TMEM63B: variants seen among roughly 807,000 people sequenced by gnomAD.
TMEM63B encodes the protein mechanosensitive cation channel TMEM63B.
TMEM63B carries 23 observed loss-of-function variants against 102.6 expected under a neutral mutation model. The ratio of observed to expected loss-of-function variants is 0.22; its 90% CI spans 0.16 to 0.32. TMEM63B has a LOEUF of 0.32. Among genes scored for constraint, TMEM63B ranks in the 10% least tolerant of loss-of-function variants. The probability of loss-of-function intolerance (pLI) is 1.00; values close to 1 mark genes in which losing one functional copy is unlikely to be tolerated. For missense variants in TMEM63B, 628 were observed against 1,095.9 expected (o/e 0.57, Z 6.03); for synonymous variants, 444 against 437.0 (o/e 1.02, Z -0.20).
chr6:44,133,063 A>G (rs1762261748), intron 1 of TMEM63B, among the ~76,000 whole-genome samples: 1 of 152,200 alleles, frequency 6.6e-6, no homozygotes, highest in Non-Finnish European at 1.5e-5. Flanking sequence ...AAATGAAATC[A>G]TGTAATATAT....
At chr6:44,151,053 G>C (rs1766495287) in intron 18 of TMEM63B, among the ~76,000 whole-genome samples, 1 of 152,054 alleles carries the variant, frequency 6.6e-6, no homozygotes, top group Non-Finnish European at 1.5e-5. Flanking sequence ...GCTACTAGGG[G>C]TATCCCTGAA....
intron 15 of TMEM63B, 21 bp from the exon 16 acceptor site, chr6:44,149,838 C>T: frequency 6.3e-7 from 1 of 1,591,672 alleles, no homozygotes; most frequent in African/African-American, 1.3e-5. Context: ...CTGCCTGACG[C>T]CCCCCTGTGC....
At chr6:44,154,312 G>A (rs1214372769) in intron 22 of TMEM63B, 53 bp from the exon 23 acceptor site, 2 of 1,609,420 alleles carry the variant, frequency 1.2e-6, no homozygotes, top group East Asian at 4.5e-5. Flanking sequence ...GTGGGGTCAT[G>A]ATCAGGGCTG....
In TMEM63B at chr6:44,134,548, A is replaced by G. The variant is rs371391341; in HGVS notation, c.-24-13A>G. ...GGGGGCAAGCCCAGCTGACTGCTCC[A>G]CCCTCTGCCCAGGAGGACCATGCGG... On this transcript the variant is annotated splice_polypyrimidine_tract_variant and intron_variant, in intron 1 of 23. Transcript: ENST00000323267. The G allele has an allele frequency of 3.1e-5, 50 of 1,608,182 alleles. No individual in the cohort carries two copies. The highest frequency in any genetic ancestry group is 4.1e-5 in the Non-Finnish European group (48 of 1,176,482).
chr6:44,150,433 C>T lies in TMEM63B; in HGVS notation c.1607+123C>T. ...GGCCCAAGATGGGAAGCCTGGCCAC[C>T]CCCAGGCCTCCTGAGCTACCCACCC... On this transcript the variant is annotated intron_variant, in intron 17 of 23. Coordinates refer to ENST00000323267, the MANE Select transcript of TMEM63B (RefSeq NM_018426.3). This position sits in a 1 kb window ranked among gnomAD's most constrained non-coding sequence, Gnocchi z 4.7. 1 of 1,437,526 alleles carries T rather than the reference C, an allele frequency of 7.0e-7. No homozygotes were observed. Among genetic ancestry groups the T allele is most frequent in the South Asian group, 1.2e-5 (1 of 85,524 alleles). The allele number at this position is 1,437,526 out of a possible 1,614,324, so 89.0% of individuals were successfully genotyped here.
At position 44,149,910 on chromosome 6, in the gene TMEM63B, G is replaced by A. The variant is rs1421820231; in HGVS notation, c.1465G>A (p.Ala489Thr). The change falls in exon 16 of 24, where the codon GCC becomes ACC. Residue 489 changes from alanine to threonine, a missense_variant. Ala to Thr is a moderately conservative substitution (Grantham distance 58, BLOSUM62 0). Coordinates refer to ENST00000323267, the MANE Select transcript of TMEM63B (RefSeq NM_018426.3). ...CACCCTGCTGCTGTGGTGCTTCTCG[G>A]CCCTCCTTCCCACCATCGTCTACTA... ...FPTLLLWCFS[A>T]LLPTIVYYSA... 1.2e-6 allele frequency: 2 copies of A among 1,613,632 alleles called. No individual in the cohort carries two copies. Among genetic ancestry groups the A allele is most frequent in the Non-Finnish European group, 1.7e-6 (2 of 1,179,848 alleles).
chr6:44,134,588 C>T lies in TMEM63B; in HGVS notation c.4C>T (p.Leu2=). Residue 2 remains leucine, a synonymous_variant, in exon 2 of 24, where the codon CTG becomes TTG. Transcript: ENST00000323267. ...GGACCATGCGGCAGTAGCAGCCATG[C>T]TGCCCTTTCTGCTGGCCACACTGGG... M[L]PFLLATLGTT... 1.2e-6 allele frequency: 2 copies of T among 1,613,942 alleles called. No individual in the cohort carries two copies. Among genetic ancestry groups the T allele is most frequent in the South Asian group, 1.1e-5 (1 of 91,084 alleles).
At chr6:44,130,411 C>G (rs76957116) in intron 1 of TMEM63B, among the ~76,000 whole-genome samples, 1,717 of 151,918 alleles carry the variant, frequency 0.011, 23 homozygotes, top group African/African-American at 0.039. Flanking sequence ...TATTTTACTA[C>G]TTTTTTTTCT....
chr6:44,134,741 C>T lies in TMEM63B; in HGVS notation c.157C>T (p.Leu53Phe), dbSNP rs746988975. 6.2e-7 allele frequency: 1 copy of T among 1,611,574 alleles called. No individual in the cohort carries two copies. The highest frequency in any genetic ancestry group is 8.5e-7 in the Non-Finnish European group (1 of 1,178,198). ...TVLALDFMCF[L>F]ALLFLFSILR... is the part of the protein sequence containing the mutation. ...GCTGGCTCTCGACTTCATGTGCTTCCTTGTAAGTGCCTGCTGCCACCCCTT... is the reference window on the plus strand; with the variant it reads ...GCTGGCTCTCGACTTCATGTGCTTCTTTGTAAGTGCCTGCTGCCACCCCTT... Residue 53 changes from leucine (L) to phenylalanine (F), a missense_variant and splice_region_variant, in exon 2 of 24, where the codon CTT becomes TTT. Leu to Phe is a conservative substitution (Grantham distance 22). Transcript: ENST00000323267.
In TMEM63B at chr6:44,152,797, C is replaced by T. The variant is rs962694430; in HGVS notation, c.1942+99C>T. 7.7e-6 allele frequency: 8 copies of T among 1,038,272 alleles called. No homozygotes were observed. The highest frequency in any genetic ancestry group is 1.1e-5 in the Non-Finnish European group (8 of 700,438). The allele number at this position is 1,038,272 out of a possible 1,614,324, so 64.3% of individuals were successfully genotyped here. ...GCAGGCCACCCCGAGTGGACAGGGC[C>T]CGGCTGGGAGACCGGCCCCTCGGGG... On this transcript the variant is annotated intron_variant, in intron 20 of 23. Transcript: ENST00000323267. This position sits in a 1 kb window ranked among gnomAD's most constrained non-coding sequence, Gnocchi z 6.4.
chr6:44,138,600 C>T, intron 6 of TMEM63B, 83 bp downstream of exon 6: 6 of 1,545,554 alleles, frequency 3.9e-6, no homozygotes, highest in Non-Finnish European at 5.4e-6. Context: ...AAGCCAGCAG[C>T]TTTCAGGGCC....
Position 44,148,710 on chromosome 6 carries a change from C to T in TMEM63B, c.1259+60C>T. On this transcript the variant is annotated intron_variant, in intron 14 of 23. Transcript: ENST00000323267. The surrounding 1 kb of genome is among the most constrained non-coding windows in gnomAD (Gnocchi z 5.1). ...GCCTGGGATGGGCTCAGTAGGTAGGCGGAGGAGAGGGAGTGTCTTGGTGTC... is the reference window on the plus strand; with the variant it reads ...GCCTGGGATGGGCTCAGTAGGTAGGTGGAGGAGAGGGAGTGTCTTGGTGTC... The T allele has an allele frequency of 5.0e-6, 8 of 1,610,318 alleles. No individual in the cohort carries two copies. The South Asian group carries it at 6.6e-5, about 13-fold the overall frequency.
In TMEM63B at chr6:44,148,136, A is replaced by G. The variant is rs1176416561; in HGVS notation, c.988-116A>G. ...AGACGCTGTTTCCAAAAAAAAAAAA[A>G]TGCTTAGAGGAGCAGTGCCTGGCTT... is the stretch of plus-strand genomic sequence containing the variant. On this transcript the variant is annotated intron_variant, in intron 12 of 23. Coordinates refer to ENST00000323267, the MANE Select transcript of TMEM63B (RefSeq NM_018426.3). This position sits in a 1 kb window ranked among gnomAD's most constrained non-coding sequence, Gnocchi z 5.1. 12 of 1,450,460 alleles carry G rather than the reference A, an allele frequency of 8.3e-6. No homozygotes were observed. The highest frequency in any genetic ancestry group is 1.1e-5 in the Non-Finnish European group (12 of 1,083,300). The allele number at this position is 1,450,460 out of a possible 1,614,324, so 89.8% of individuals were successfully genotyped here.
chr6:44,132,844 T>C (rs1431584212), intron 1 of TMEM63B, among the ~76,000 whole-genome samples: 1 of 152,214 alleles, frequency 6.6e-6, no homozygotes, highest in Non-Finnish European at 1.5e-5. Context: ...AAAGCTTCCA[T>C]GGTCTGCCGA....
At chr6:44,154,529 A>C in intron 23 of TMEM63B, 84 bp downstream of exon 23, 9 of 1,568,840 alleles carry the variant, frequency 5.7e-6, no homozygotes, top group Non-Finnish European at 7.9e-6. Context: ...AGAAAGGGGA[A>C]CCTGTGCCAG....
At chr6:44,138,585 T>C in intron 6 of TMEM63B, 68 bp downstream of exon 6, 2 of 1,600,752 alleles carry the variant, frequency 1.2e-6, no homozygotes, top group Middle Eastern at 1.7e-4. Context: ...CCCTACAAAA[T>C]TCAGAAGCCA....
At chr6:44,138,810 C>T (rs1300962751) in intron 6 of TMEM63B, 2 of 393,474 alleles carry the variant, frequency 5.1e-6, no homozygotes, top group Non-Finnish European at 9.6e-6. Flanking sequence ...CTCTGTGCAG[C>T]CAGTGAGTGG....
chr6:44,153,063 C>G (rs536838232), intron 20 of TMEM63B, among the ~76,000 whole-genome samples: 1 of 152,372 alleles, frequency 6.6e-6, no homozygotes, highest in African/African-American at 2.4e-5. Context: ...TTTTACACCA[C>G]CCTGTAAACT....
intron 12 of TMEM63B, among the ~76,000 whole-genome samples, chr6:44,147,768 A>G (rs72858131): frequency 6.6e-6 from 1 of 152,168 alleles, no homozygotes; most frequent in Non-Finnish European, 1.5e-5. Context: ...CAGTTTCCTC[A>G]TGGGGTTAAC....
Sources: gnomAD v4.1 joint callset for allele counts (sites outside exome capture counted in the v4.1 genomes callset) on GRCh38, gnomAD v4.1.1 for gene constraint, Gnocchi (gnomAD v3.1) non-coding constraint, MANE v1.5 for transcripts, NCBI Gene and HGNC (gene_info 2026-07-23, HGNC 2026-07-21) for gene names.